The following SLC6A6 variants were observed in gnomAD, a reference collection of about 807,000 sequenced individuals.
The protein encoded by SLC6A6 is solute carrier family 6 member 6, also known as sodium- and chloride-dependent taurine transporter.
SLC6A6 carries 16 observed loss-of-function variants against 68.8 expected under a neutral mutation model. That is an observed-to-expected ratio of 0.23 (90% CI 0.16 to 0.35). SLC6A6 has a LOEUF of 0.35. Ranked by LOEUF, SLC6A6 falls within the 10% of genes least tolerant of loss-of-function variation. The probability of loss-of-function intolerance (pLI) is 1.00; values close to 1 mark genes in which losing one functional copy is unlikely to be tolerated. For missense variants in SLC6A6, 474 were observed against 802.8 expected, an observed-to-expected ratio of 0.59 and a Z score of 4.95; for synonymous variants, 312 against 315.4, an observed-to-expected ratio of 0.99 and a Z score of 0.12.
At position 14,477,580 on chromosome 3, in the gene SLC6A6, G is replaced by A. The variant is rs1287283204; in HGVS notation, c.1347+238G>A. Reference sequence around the variant, plus strand: ...TGCTGTGGCAACACTGTGACCACCCGCTGCCCTCTGTCCTGGGAAGAGGAT... The same window carrying A: ...TGCTGTGGCAACACTGTGACCACCCACTGCCCTCTGTCCTGGGAAGAGGAT... On this transcript the variant is annotated intron_variant, in intron 11 of 14. Coordinates refer to ENST00000622186, the MANE Select transcript of SLC6A6 (RefSeq NM_003043.6). The surrounding 1 kb of genome is among the most constrained non-coding windows in gnomAD (Gnocchi z 4.2). 1.3e-5 allele frequency among the ~76,000 whole-genome samples: 2 copies of A among 152,228 alleles called. No individual in the cohort carries two copies. The highest frequency in any genetic ancestry group is 2.4e-5 in the African/African-American group (1 of 41,460).
intron 9 of SLC6A6, among the ~76,000 whole-genome samples, chr3:14,470,470 C>CT (rs1700726600): frequency 6.6e-6 from 1 of 152,226 alleles, no homozygotes; most frequent in Non-Finnish European, 1.5e-5. Context: ...CTGGACTTCT[C>CT]TCTCTTGAGT....
rs1254094405 is a variant in SLC6A6, at chr3:14,477,645, CT to C, written c.1347+304del. Among the ~76,000 whole-genome samples, 5 of 152,234 alleles carry C rather than the reference CT, an allele frequency of 3.3e-5. No individual in the cohort carries two copies. The highest frequency in any genetic ancestry group is 5.9e-5 in the Non-Finnish European group (4 of 68,038). On this transcript the variant is annotated intron_variant, in intron 11 of 14. Coordinates refer to ENST00000622186, the MANE Select transcript of SLC6A6 (RefSeq NM_003043.6). The surrounding 1 kb of genome is among the most constrained non-coding windows in gnomAD (Gnocchi z 4.2). ...CATTTCACAACATCTCTGTTCACCC[CT>C]GACTGTGTGCCCTTCTCAGGCCTGG... is the stretch of plus-strand genomic sequence containing the variant.
At chr3:14,426,902 G>A (rs1699612042) in intron 2 of SLC6A6, among the ~76,000 whole-genome samples, 1 of 152,134 alleles carries the variant, frequency 6.6e-6, no homozygotes, top group Admixed American at 6.5e-5. Flanking sequence ...CCTGGGAATG[G>A]CAGGGCCTCC....
chr3:14,420,084 A>G (rs1344075549), intron 2 of SLC6A6, among the ~76,000 whole-genome samples: 1 of 152,250 alleles, frequency 6.6e-6, no homozygotes, highest in Admixed American at 6.5e-5. Flanking sequence ...TTCGCTTCCT[A>G]GAAGGCTCAA....
chr3:14,413,850 T>G lies in SLC6A6; in HGVS notation c.-53-2562T>G, dbSNP rs545842107. ...AGTGTGTCAGAGACATGCATAAAATTACGCAGCAAGTTCAAGGCAGGGTAT... is the reference window on the plus strand; with the variant it reads ...AGTGTGTCAGAGACATGCATAAAATGACGCAGCAAGTTCAAGGCAGGGTAT... On this transcript the variant is annotated intron_variant, in intron 1 of 14. Coordinates refer to ENST00000622186, the MANE Select transcript of SLC6A6 (RefSeq NM_003043.6). 2.6e-5 allele frequency among the ~76,000 whole-genome samples: 4 copies of G among 152,280 alleles called. No individual in the cohort carries two copies. The East Asian group carries it at 5.8e-4, about 22-fold the overall frequency.
At chr3:14,417,103 CAGG>C (rs900408589) in intron 2 of SLC6A6, among the ~76,000 whole-genome samples, 3 of 150,998 alleles carry the variant, frequency 2.0e-5, no homozygotes, top group South Asian at 2.1e-4. Flanking sequence ...GAGGCCAAGG[CAGG>C]AGGATTGCTT....
intron 9 of SLC6A6, among the ~76,000 whole-genome samples, chr3:14,471,505 G>T (rs991770411): frequency 6.6e-6 from 1 of 152,198 alleles, no homozygotes; most frequent in Non-Finnish European, 1.5e-5. Context: ...CCCTGAGAGG[G>T]TATGGGGTGA....
intron 1 of SLC6A6, among the ~76,000 whole-genome samples, chr3:14,414,532 C>CT (rs1350899265): frequency 3.4e-5 from 5 of 148,522 alleles, no homozygotes; most frequent in Non-Finnish European, 4.5e-5. Context: ...TTTTTTTTTT[C>CT]TTTTTTTTTA....
chr3:14,436,531 C>CTTTTTTTTTTTTTTTTTTTTT (rs58996264), intron 2 of SLC6A6, among the ~76,000 whole-genome samples: 1 of 112,462 alleles, frequency 8.9e-6, no homozygotes, highest in East Asian at 3.3e-4. Flanking sequence ...CAACAACTCC[C>CTTTTTTTTTTTTTTTTTTTTT]TTTTTTTTTT....
intron 2 of SLC6A6, among the ~76,000 whole-genome samples, chr3:14,422,481 C>T (rs550694532): frequency 3.3e-5 from 5 of 152,262 alleles, no homozygotes; most frequent in Middle Eastern, 3.4e-3. Context: ...TGCCCTGGTG[C>T]GGATCTCTCC....
chr3:14,460,283 C>T (rs1009588962), intron 6 of SLC6A6, among the ~76,000 whole-genome samples: 1 of 151,874 alleles, frequency 6.6e-6, no homozygotes, highest in African/African-American at 2.4e-5. Context: ...CAGGAAGAGT[C>T]AGGTTGTAAC....
chr3:14,468,882 CCAGTGG>C lies in SLC6A6; in HGVS notation c.1096+672_1096+677del, dbSNP rs1236705779. 1.3e-5 allele frequency among the ~76,000 whole-genome samples: 2 copies of C among 152,066 alleles called. No individual in the cohort carries two copies. Among genetic ancestry groups the C allele is most frequent in the African/African-American group, 4.8e-5 (2 of 41,374 alleles). On this transcript the variant is annotated intron_variant, in intron 9 of 14. Transcript: ENST00000622186. The surrounding 1 kb of genome is among the most constrained non-coding windows in gnomAD (Gnocchi z 4.5). ...CCTGGAGTCACAGGCATGGAGGATG[CCAGTGG>C]CTTAGAATCACGGACTCTGCACAGA... is the stretch of plus-strand genomic sequence containing the variant.
intron 4 of SLC6A6, among the ~76,000 whole-genome samples, chr3:14,446,572 T>C (rs939104264): frequency 1.3e-5 from 2 of 152,172 alleles, no homozygotes; most frequent in African/African-American, 2.4e-5. Context: ...AAAAGAAGCC[T>C]GTAGCTACTT....
At chr3:14,466,924 C>A (rs1700633544) in intron 7 of SLC6A6, among the ~76,000 whole-genome samples, 1 of 152,150 alleles carries the variant, frequency 6.6e-6, no homozygotes, top group Non-Finnish European at 1.5e-5. Context: ...GGCCCTGCAC[C>A]AAGGGGGAGA....
At chr3:14,454,262 G>T (rs1002089895) in intron 5 of SLC6A6, among the ~76,000 whole-genome samples, 3 of 143,490 alleles carry the variant, frequency 2.1e-5, no homozygotes, top group Non-Finnish European at 3.0e-5. Flanking sequence ...GGGGCGTCAG[G>T]GGCCTGGACA....
At chr3:14,478,994 G>T (rs1700946299) in intron 12 of SLC6A6, 91 bp from the exon 13 acceptor site, 1 of 782,636 alleles carries the variant, frequency 1.3e-6, no homozygotes, top group South Asian at 1.4e-5. Flanking sequence ...GCAGAGGCCT[G>T]GATCAGGTCC....
In SLC6A6 at chr3:14,465,299, AG is replaced by A. The variant is rs1159480121; in HGVS notation, c.733-1216del. Among the ~76,000 whole-genome samples the A allele has an allele frequency of 2.0e-5, 3 of 152,362 alleles. 1 individual carries two copies. Among genetic ancestry groups the A allele is most frequent in the Admixed American group, 6.5e-5 (1 of 15,308 alleles). ...GGGAGGAGATGGCCACATCGTTTCT[AG>A]TCCCCACCTCACACCTGATCTTGGC... On this transcript the variant is annotated intron_variant, in intron 6 of 14. Transcript: ENST00000622186.
chr3:14,406,886 G>A (rs1174826805), intron 1 of SLC6A6, among the ~76,000 whole-genome samples: 3 of 152,176 alleles, frequency 2.0e-5, no homozygotes, highest in African/African-American at 7.2e-5. Flanking sequence ...GGGAATGATG[G>A]GGGAGGCAGG....
At chr3:14,418,127 C>G (rs11714753) in intron 2 of SLC6A6, among the ~76,000 whole-genome samples, 3,944 of 152,298 alleles carry the variant, frequency 0.026, 87 homozygotes, top group Middle Eastern at 0.058. Context: ...CTGCTGTGCT[C>G]TGGTCTGCTC....
Sources: allele counts gnomAD v4.1 joint callset (sites outside exome capture counted in the v4.1 genomes callset), GRCh38; gene constraint gnomAD v4.1.1; non-coding constraint Gnocchi (gnomAD v3.1); transcripts MANE v1.5; gene names NCBI Gene and HGNC (gene_info 2026-07-23, HGNC 2026-07-21).